SPACA7: variants seen among roughly 807,000 people sequenced by gnomAD.
The protein encoded by SPACA7 is sperm acrosome-associated protein 7.
SPACA7 carries 19 observed loss-of-function variants against 26.3 expected under a neutral mutation model. The ratio of observed to expected loss-of-function variants is 0.72; its 90% CI spans 0.50 to 1.06. SPACA7 has a LOEUF of 1.06. Among genes scored for constraint, SPACA7 ranks in the 50% least tolerant of loss-of-function variants. The pLI, the probability that SPACA7 is intolerant of heterozygous loss-of-function variation, is 0.00. For missense variants in SPACA7, 211 were observed against 229.9 expected (o/e 0.92, Z 0.53); for synonymous variants, 84 against 84.5 (o/e 0.99, Z 0.04).
intron 5 of SPACA7, among the ~76,000 whole-genome samples, chr13:112,430,181 T>C (rs546755816): frequency 6.6e-6 from 1 of 151,212 alleles, no homozygotes; most frequent in South Asian, 2.1e-4. Context: ...TCTCTGTGTG[T>C]GTGTGTGTGT....
At position 112,414,388 on chromosome 13, in the gene SPACA7, C is replaced by CTTTTTTTTTTTTTTTTTTTTTTTTTTTTT. The variant is rs869183760; in HGVS notation, c.445+13236_445+13264dup. On this transcript the variant is annotated intron_variant, in intron 5 of 6. Coordinates refer to ENST00000283550, the MANE Select transcript of SPACA7 (RefSeq NM_145248.5). ...AAGTTTCTGAATGGCTTTTCTGTGT[C>CTTTTTTTTTTTTTTTTTTTTTTTTTTTTT]TTTTTTTTTTTTTTTTTTTTTTTTT... is the stretch of plus-strand genomic sequence containing the variant. Among the ~76,000 whole-genome samples the CTTTTTTTTTTTTTTTTTTTTTTTTTTTTT allele has an allele frequency of 4.5e-4, 14 of 31,396 alleles. 7 individuals carry two copies. Among genetic ancestry groups the CTTTTTTTTTTTTTTTTTTTTTTTTTTTTT allele is most frequent in the Admixed American group, 1.0e-3 (2 of 1,980 alleles). The allele number at this position is 31,396 out of a possible 152,430, so 20.6% of individuals were successfully genotyped here.
chr13:112,408,312 A>G lies in SPACA7; in HGVS notation c.445+7148A>G, dbSNP rs9577357. ...CATTCCCTTTGAAAACTGGCACAAG[A>G]CAGGGATACCCTCTCTCACCACTCC... On this transcript the variant is annotated intron_variant, in intron 5 of 6. Coordinates refer to ENST00000283550, the MANE Select transcript of SPACA7 (RefSeq NM_145248.5). Among the ~76,000 whole-genome samples the G allele has an allele frequency of 3.3e-5, 5 of 152,298 alleles. No individual in the cohort carries two copies. The East Asian group carries it at 9.6e-4, about 29-fold the overall frequency.
At chr13:112,432,353 C>A (rs376410006) in intron 5 of SPACA7, 91 bp from the exon 6 acceptor site, 4 of 1,038,658 alleles carry the variant, frequency 3.9e-6, no homozygotes, top group Admixed American at 3.7e-5. Flanking sequence ...CTTTGCTCAG[C>A]GCTTACGGCT....
chr13:112,405,305 T>G (rs1045785476), intron 5 of SPACA7, among the ~76,000 whole-genome samples: 1 of 152,186 alleles, frequency 6.6e-6, no homozygotes, highest in Non-Finnish European at 1.5e-5. Flanking sequence ...TAGACCTCAG[T>G]AATTCTTTTA....
At chr13:112,410,577 A>G (rs879455636) in intron 5 of SPACA7, among the ~76,000 whole-genome samples, 6 of 152,164 alleles carry the variant, frequency 3.9e-5, no homozygotes, top group Non-Finnish European at 8.8e-5. Flanking sequence ...AATCAATCAC[A>G]GAAGGACAAA....
chr13:112,430,664 G>A (rs1389748267), intron 5 of SPACA7, among the ~76,000 whole-genome samples: 3 of 152,176 alleles, frequency 2.0e-5, no homozygotes, highest in East Asian at 1.9e-4. Context: ...CCCTTAGGAA[G>A]GTGCTTTGCC....
chr13:112,406,984 A>G lies in SPACA7; in HGVS notation c.445+5820A>G, dbSNP rs372459594. On this transcript the variant is annotated intron_variant, in intron 5 of 6. Coordinates refer to ENST00000283550, the MANE Select transcript of SPACA7 (RefSeq NM_145248.5). ...AGTTGGAAGTAAAGCACTCCTCAGC[A>G]AATGTAAAAGAATAGAAATTATAAC... is the stretch of plus-strand genomic sequence containing the variant. Among the ~76,000 whole-genome samples, 1,118 of 152,278 alleles carry G rather than the reference A, an allele frequency of 7.3e-3. 6 individuals carry two copies. The highest frequency in any genetic ancestry group is 0.023 in the African/African-American group (953 of 41,556).
chr13:112,434,244 G>C (rs7139582), intron 6 of SPACA7, among the ~76,000 whole-genome samples: 1,770 of 152,268 alleles, frequency 0.012, 35 homozygotes, highest in African/African-American at 0.04. Context: ...GGGTTTTGAG[G>C]GAGAACGCGG....
intron 5 of SPACA7, among the ~76,000 whole-genome samples, chr13:112,429,499 A>G (rs756639901): frequency 1.3e-5 from 2 of 152,006 alleles, no homozygotes; most frequent in Non-Finnish European, 2.9e-5. Flanking sequence ...AGCATGTCTT[A>G]TCTTTGTCTA....
At chr13:112,426,567 T>C (rs1470862584) in intron 5 of SPACA7, among the ~76,000 whole-genome samples, 2 of 152,238 alleles carry the variant, frequency 1.3e-5, no homozygotes, top group African/African-American at 2.4e-5. Flanking sequence ...ATCTTTGCTT[T>C]CTTTCACTTT....
At chr13:112,385,164 T>A (rs1407574788) in intron 1 of SPACA7, among the ~76,000 whole-genome samples, 2 of 152,256 alleles carry the variant, frequency 1.3e-5, no homozygotes, top group Non-Finnish European at 2.9e-5. Context: ...GAATTTTGTA[T>A]AAGATTAACC....
chr13:112,424,104 A>G (rs528143739), intron 5 of SPACA7, among the ~76,000 whole-genome samples: 1 of 152,322 alleles, frequency 6.6e-6, no homozygotes, highest in East Asian at 1.9e-4. Flanking sequence ...AAAGCCTGAT[A>G]AATACGGGGT....
intron 3 of SPACA7, among the ~76,000 whole-genome samples, chr13:112,398,426 G>A (rs1016716000): frequency 1.3e-5 from 2 of 152,012 alleles, no homozygotes; most frequent in Non-Finnish European, 2.9e-5. Context: ...AGGAACACAG[G>A]GCACAAGAAC....
intron 5 of SPACA7, among the ~76,000 whole-genome samples, chr13:112,418,111 A>G (rs760685866): frequency 6.6e-6 from 1 of 152,232 alleles, no homozygotes; most frequent in Non-Finnish European, 1.5e-5. Context: ...TGTGTTTGCC[A>G]ACGTTGAAAA....
chr13:112,410,793 C>T (rs1486495782), intron 5 of SPACA7, among the ~76,000 whole-genome samples: 1 of 152,142 alleles, frequency 6.6e-6, no homozygotes, highest in Non-Finnish European at 1.5e-5. Flanking sequence ...AGCAATTACA[C>T]TTCTGGGTAT....
At chr13:112,391,063 C>CT (rs145523153) in intron 1 of SPACA7, among the ~76,000 whole-genome samples, 2,346 of 152,278 alleles carry the variant, frequency 0.015, 56 homozygotes, top group African/African-American at 0.054. Flanking sequence ...AGGAATAGGT[C>CT]TTTCGTTTCT....
At chr13:112,427,412 C>T in intron 5 of SPACA7, among the ~76,000 whole-genome samples, 1 of 152,280 alleles carries the variant, frequency 6.6e-6, no homozygotes, top group South Asian at 2.1e-4. Context: ...TGATTTTTGA[C>T]CCACTTGGTC....
At chr13:112,419,021 T>TA (rs67747631) in intron 5 of SPACA7, among the ~76,000 whole-genome samples, 12,561 of 144,276 alleles carry the variant, frequency 0.087, 1,163 homozygotes, top group East Asian at 0.29. Context: ...AGACTCCATT[T>TA]AAAAAAAAAA....
rs569827805 is a variant in SPACA7, at chr13:112,410,262, T to C, written c.445+9098T>C. The stretch of plus-strand genomic sequence containing the variant: ...GGATAGCATTAGGAGATATACCTAA[T>C]GTAAATGATGAGTTAATGGGTGCAG... On this transcript the variant is annotated intron_variant, in intron 5 of 6. Coordinates refer to ENST00000283550, the MANE Select transcript of SPACA7 (RefSeq NM_145248.5). Among the ~76,000 whole-genome samples the C allele has an allele frequency of 2.1e-3, 327 of 152,174 alleles. 3 individuals carry two copies. Among genetic ancestry groups the C allele is most frequent in the African/African-American group, 7.4e-3 (306 of 41,506 alleles).
Sources: allele counts gnomAD v4.1 joint callset (sites outside exome capture counted in the v4.1 genomes callset), GRCh38; gene constraint gnomAD v4.1.1; transcripts MANE v1.5; gene names NCBI Gene and HGNC (gene_info 2026-07-23, HGNC 2026-07-21).